The following RPA1 variants were observed in gnomAD, a reference collection of about 807,000 sequenced individuals.
RPA1 encodes replication protein A 70 kDa DNA-binding subunit.
A neutral mutation model predicts 83.0 loss-of-function variants in RPA1; 49 were observed. That is an observed-to-expected ratio of 0.59 (90% confidence interval 0.47 to 0.75). The LOEUF is 0.75. Ranked by LOEUF, RPA1 falls within the 30% of genes least tolerant of loss-of-function variation. The probability of loss-of-function intolerance (pLI) is 0.00; values close to 1 mark genes in which losing one functional copy is unlikely to be tolerated. For synonymous variants in RPA1, 279 were observed against 281.8 expected, an observed-to-expected ratio of 0.99 and a Z score of 0.10; for missense variants, 693 against 776.1, an observed-to-expected ratio of 0.89 and a Z score of 1.27.
At chr17:1,873,992 C>CAAAAAAAAA (rs71150832) in intron 6 of RPA1, among the ~76,000 whole-genome samples, 5 of 45,420 alleles carry the variant, frequency 1.1e-4, no homozygotes, top group African/African-American at 6.4e-4. Flanking sequence ...GACTCTGTCT[C>CAAAAAAAAA]AAAAAAAAAA....
At chr17:1,842,941 G>A in intron 2 of RPA1, 88 bp downstream of exon 2, 1 of 1,419,152 alleles carries the variant, frequency 7.0e-7, no homozygotes, top group East Asian at 2.3e-5. Context: ...AGACAGATTT[G>A]TCCACTTTCG....
At chr17:1,843,838 C>A in intron 2 of RPA1, 82 bp from the exon 3 acceptor site, 2 of 1,097,018 alleles carry the variant, frequency 1.8e-6, no homozygotes, top group Non-Finnish European at 2.7e-6. Context: ...TAATGGCAAA[C>A]CCACTCTCCT....
At chr17:1,886,775 C>T (rs898004335) in intron 13 of RPA1, among the ~76,000 whole-genome samples, 1 of 147,476 alleles carries the variant, frequency 6.8e-6, no homozygotes, top group African/African-American at 2.5e-5. Context: ...GGTGCAATCA[C>T]AGCTCACCTC....
chr17:1,844,052 C>A, intron 3 of RPA1, 54 bp downstream of exon 3: 1 of 1,502,834 alleles, frequency 6.7e-7, no homozygotes, highest in Non-Finnish European at 9.2e-7. Flanking sequence ...AGTAGAAGCA[C>A]ACCTGGTCCT....
rs1286286038 is a variant in RPA1, at chr17:1,898,576, G to A, written c.*1401G>A. 3 of 152,256 alleles carry A rather than the reference G, an allele frequency of 2.0e-5. No individual in the cohort carries two copies. The highest frequency in any genetic ancestry group is 1.3e-4 in the Admixed American group (2 of 15,286). The allele number at this position is 152,256 out of a possible 1,614,324, so 9.4% of individuals were successfully genotyped here. Reference sequence around the variant, plus strand: ...CTGTTCATCACTGCACATGCCGCCTGCGGAGGCTTTTGGATATGGGGAGTG... The same window carrying A: ...CTGTTCATCACTGCACATGCCGCCTACGGAGGCTTTTGGATATGGGGAGTG... On this transcript the variant is annotated 3_prime_UTR_variant, in exon 17 of 17. Transcript: ENST00000254719.
chr17:1,885,293 C>G lies in RPA1; in HGVS notation c.1374+1349C>G, dbSNP rs74906013. Among the ~76,000 whole-genome samples, 396 of 152,270 alleles carry G rather than the reference C, an allele frequency of 2.6e-3. 2 individuals are homozygous for G. The highest frequency in any genetic ancestry group is 0.014 in the Middle Eastern group (4 of 294). On this transcript the variant is annotated intron_variant, in intron 13 of 16. Coordinates refer to ENST00000254719, the MANE Select transcript of RPA1 (RefSeq NM_002945.5). ...GTTTGATCGTGAGATTACAGCAGTT[C>G]AGGCCCATTTTCAGGCTCCATTTGT... is the stretch of plus-strand genomic sequence containing the variant.
intron 4 of RPA1, among the ~76,000 whole-genome samples, chr17:1,845,198 A>G (rs1597423445): frequency 8.9e-6 from 1 of 112,730 alleles, no homozygotes; most frequent in African/African-American, 3.4e-5. Flanking sequence ...GTGTGTGTAC[A>G]ATCTTGAATC....
intron 5 of RPA1, among the ~76,000 whole-genome samples, chr17:1,868,052 C>T (rs1190069351): frequency 1.3e-5 from 2 of 152,042 alleles, no homozygotes; most frequent in East Asian, 1.9e-4. Flanking sequence ...CCGCTGTACT[C>T]CAACCTGGGC....
chr17:1,874,012 A>AAAT (rs1555592994), intron 6 of RPA1, among the ~76,000 whole-genome samples: 10 of 93,836 alleles, frequency 1.1e-4, no homozygotes, highest in African/African-American at 4.6e-4. Flanking sequence ...AAAAAAAAAA[A>AAAT]ATATATATAT....
intron 8 of RPA1, 72 bp from the exon 9 acceptor site, chr17:1,878,921 C>T: frequency 6.8e-7 from 1 of 1,470,770 alleles, no homozygotes; most frequent in Non-Finnish European, 9.5e-7. Flanking sequence ...GTGTTCTATC[C>T]CAGTGTCACT....
chr17:1,897,585 TCTC>T lies in RPA1; in HGVS notation c.*411_*413del, dbSNP rs1439789033. On this transcript the variant is annotated 3_prime_UTR_variant, in exon 17 of 17. Coordinates refer to ENST00000254719, the MANE Select transcript of RPA1 (RefSeq NM_002945.5). Reference sequence around the variant, plus strand: ...CATCCCCGCTCACAACTTGGGTTCTTCTCAGCGGGGCGAGCTGAGAAGCGGTCA... The same window carrying T: ...CATCCCCGCTCACAACTTGGGTTCTTAGCGGGGCGAGCTGAGAAGCGGTCA... 1 of 165,800 alleles carries T rather than the reference TCTC, an allele frequency of 6.0e-6. No homozygotes were observed. Among genetic ancestry groups the T allele is most frequent in the Admixed American group, 5.6e-5 (1 of 17,964 alleles). The allele number at this position is 165,800 out of a possible 1,614,324, so 10.3% of individuals were successfully genotyped here.
At chr17:1,831,743 T>C (rs562431051) in intron 1 of RPA1, among the ~76,000 whole-genome samples, 32 of 146,670 alleles carry the variant, frequency 2.2e-4, no homozygotes, top group Admixed American at 4.1e-4. Flanking sequence ...GGACTACAGG[T>C]ACCCGCCACC....
intron 5 of RPA1, among the ~76,000 whole-genome samples, chr17:1,868,948 A>G (rs954013084): frequency 6.6e-6 from 1 of 152,228 alleles, no homozygotes; most frequent in Non-Finnish European, 1.5e-5. Flanking sequence ...TTTGTTACAC[A>G]ATACTTAATT....
rs1301001317 is a variant in RPA1, at chr17:1,879,242, AAGATTGCTAACAAGC to A, written c.790_804del (p.Ile264_Gln268del). The stretch of plus-strand genomic sequence containing the variant: ...GTATTATTTCTCGAAAGGCACCCTG[AAGATTGCTAACAAGC>A]AGTTCACAGCTGTTAAAAATGACTA... On this transcript the variant is annotated inframe_deletion, in exon 10 of 17. Coordinates refer to ENST00000254719, the MANE Select transcript of RPA1 (RefSeq NM_002945.5). 1 of 1,614,056 alleles carries A rather than the reference AAGATTGCTAACAAGC, an allele frequency of 6.2e-7. No individual in the cohort carries two copies. Among genetic ancestry groups the A allele is most frequent in the South Asian group, 1.1e-5 (1 of 91,082 alleles).
chr17:1,893,677 CTTTTT>C (rs879431576), intron 15 of RPA1, among the ~76,000 whole-genome samples: 1 of 143,870 alleles, frequency 7.0e-6, no homozygotes, highest in Admixed American at 7.0e-5. Flanking sequence ...GTTTACCAGA[CTTTTT>C]TTTTTTTAAT....
intron 4 of RPA1, among the ~76,000 whole-genome samples, chr17:1,850,532 G>A (rs1452563841): frequency 2.0e-4 from 24 of 122,986 alleles, no homozygotes; most frequent in Admixed American, 7.6e-4. Context: ...GCAAGACTCC[G>A]TCTCAAAAAA....
At chr17:1,850,278 TC>T (rs1046186569) in intron 4 of RPA1, among the ~76,000 whole-genome samples, 13 of 151,438 alleles carry the variant, frequency 8.6e-5, no homozygotes, top group African/African-American at 3.2e-4. Flanking sequence ...ACGCCTGTAA[TC>T]CCAGCACCTT....
chr17:1,838,029 T>C (rs1051358187), intron 1 of RPA1, among the ~76,000 whole-genome samples: 4 of 152,236 alleles, frequency 2.6e-5, no homozygotes, highest in East Asian at 3.9e-4. Flanking sequence ...TGGTGGCTCA[T>C]GCCTGTAATC....
At chr17:1,886,995 A>G (rs1263072450) in intron 13 of RPA1, among the ~76,000 whole-genome samples, 1 of 152,080 alleles carries the variant, frequency 6.6e-6, no homozygotes, top group African/African-American at 2.4e-5. Flanking sequence ...CAGCCTTCAC[A>G]GAATTGAAGA....
Sources: allele counts gnomAD v4.1 joint callset (sites outside exome capture counted in the v4.1 genomes callset), GRCh38; gene constraint gnomAD v4.1.1; transcripts MANE v1.5; gene names NCBI Gene and HGNC (gene_info 2026-07-23, HGNC 2026-07-21).